KIAA1549L: variants seen among roughly 807,000 people sequenced by gnomAD.
The protein encoded by KIAA1549L is UPF0606 protein KIAA1549L.
Under a neutral mutation model 160.7 loss-of-function variants are expected in KIAA1549L, and 88 were observed. The observed-to-expected ratio is 0.55, with a 90% confidence interval of 0.46 to 0.65. The LOEUF (loss-of-function observed/expected upper bound fraction) is 0.65. KIAA1549L is among the 30% of genes least tolerant of loss of function. KIAA1549L has a pLI of 0.00. For missense variants in KIAA1549L, 2,258 were observed against 2,437.5 expected (o/e 0.93, Z 1.55); for synonymous variants, 950 against 976.7 (o/e 0.97, Z 0.51).
At chr11:33,603,539 G>T (rs945762526) in intron 13 of KIAA1549L, among the ~76,000 whole-genome samples, 1 of 152,186 alleles carries the variant, frequency 6.6e-6, no homozygotes, top group Non-Finnish European at 1.5e-5. Flanking sequence ...GGGCACGATG[G>T]CTCACGCCTG....
At chr11:33,633,363 C>A (rs891499797) in intron 16 of KIAA1549L, among the ~76,000 whole-genome samples, 4 of 151,868 alleles carry the variant, frequency 2.6e-5, no homozygotes, top group Non-Finnish European at 4.4e-5. Flanking sequence ...TGTGTAACGA[C>A]TGCTATTCAC....
chr11:33,649,863 A>AAC (rs1264528602), intron 17 of KIAA1549L, among the ~76,000 whole-genome samples: 1 of 150,576 alleles, frequency 6.6e-6, no homozygotes, highest in Non-Finnish European at 1.5e-5. Context: ...CCCATCTCAA[A>AAC]AAAAAAAAAA....
intron 1 of KIAA1549L, among the ~76,000 whole-genome samples, chr11:33,447,467 C>T (rs1422817454): frequency 1.4e-5 from 2 of 145,908 alleles, no homozygotes; most frequent in East Asian, 4.2e-4. Context: ...CACATCCATC[C>T]ATCCATCCAC....
At position 33,599,993 on chromosome 11, in the gene KIAA1549L, TTTTA is replaced by T. The variant is rs1340099858; in HGVS notation, c.4879+1050_4879+1053del. Reference sequence around the variant, plus strand: ...ATATTTTTTTGTTTTCAAATATCACTTTTATTTTTTTTTTCCGACTGAAAACGGT... The same window carrying T: ...ATATTTTTTTGTTTTCAAATATCACTTTTTTTTTTTCCGACTGAAAACGGT... On this transcript the variant is annotated intron_variant, in intron 13 of 20. Transcript: ENST00000658780. Among the ~76,000 whole-genome samples, 8 of 152,256 alleles carry T rather than the reference TTTTA, an allele frequency of 5.3e-5. No homozygotes were observed. In the East Asian group the frequency reaches 1.5e-3, roughly 29 times the overall value.
chr11:33,586,928 C>A (rs910754288), intron 11 of KIAA1549L, among the ~76,000 whole-genome samples: 3 of 152,112 alleles, frequency 2.0e-5, no homozygotes, highest in African/African-American at 7.2e-5. Flanking sequence ...TCAAATGAGG[C>A]TGAAACTGAG....
intron 11 of KIAA1549L, among the ~76,000 whole-genome samples, chr11:33,583,928 C>T (rs1385923624): frequency 6.6e-6 from 1 of 152,170 alleles, no homozygotes; most frequent in Non-Finnish European, 1.5e-5. Context: ...ATAAGGTCTG[C>T]TATGTTCTGA....
At chr11:33,609,595 T>C (rs1392319882) in intron 14 of KIAA1549L, among the ~76,000 whole-genome samples, 154 bp from the exon 15 acceptor site, 1 of 152,136 alleles carries the variant, frequency 6.6e-6, no homozygotes, top group Non-Finnish European at 1.5e-5. Context: ...TGTGGGCTTG[T>C]CTCAGAATGG....
At chr11:33,608,593 T>A (rs912501852) in intron 14 of KIAA1549L, among the ~76,000 whole-genome samples, 3 of 152,290 alleles carry the variant, frequency 2.0e-5, no homozygotes, top group African/African-American at 7.2e-5. Context: ...CCACTAGGCC[T>A]GGATCTTTTC....
At position 33,555,725 on chromosome 11, in the gene KIAA1549L, G is replaced by T. The variant is rs199608599; in HGVS notation, c.3855+3484G>T. 1.7e-4 allele frequency among the ~76,000 whole-genome samples: 26 copies of T among 152,248 alleles called. No individual in the cohort carries two copies. In the East Asian group the frequency reaches 4.4e-3, roughly 26 times the overall value. ...GTAGGACTTTTATGGGAAAACATAG[G>T]GGAAAAACTTCATGACACACAGTAT... On this transcript the variant is annotated intron_variant, in intron 6 of 20. Transcript: ENST00000658780.
chr11:33,657,390 T>C (rs10768016), intron 18 of KIAA1549L, among the ~76,000 whole-genome samples: 1 of 151,800 alleles, frequency 6.6e-6, no homozygotes, highest in African/African-American at 2.4e-5. Context: ...TTGCCACATA[T>C]CGGGGGTGGG....
At chr11:33,637,726 C>T (rs563428718) in intron 16 of KIAA1549L, among the ~76,000 whole-genome samples, 20 of 152,204 alleles carry the variant, frequency 1.3e-4, no homozygotes, top group Non-Finnish European at 2.4e-4. Context: ...GCCTTCATAT[C>T]GGCTTCCCTT....
intron 15 of KIAA1549L, among the ~76,000 whole-genome samples, chr11:33,615,811 A>G (rs765023931): frequency 6.6e-6 from 1 of 152,208 alleles, no homozygotes; most frequent in Non-Finnish European, 1.5e-5. Context: ...CACCCTTATT[A>G]GTAAATCTTT....
intron 12 of KIAA1549L, among the ~76,000 whole-genome samples, chr11:33,593,997 A>G (rs1850134727): frequency 6.6e-6 from 1 of 152,172 alleles, no homozygotes; most frequent in Admixed American, 6.5e-5. Context: ...AAGATGGGGA[A>G]GGATCAACAA....
intron 1 of KIAA1549L, among the ~76,000 whole-genome samples, chr11:33,430,766 G>A (rs1851222199): frequency 6.6e-6 from 1 of 152,182 alleles, no homozygotes; most frequent in Non-Finnish European, 1.5e-5. Context: ...CCCTGGGAGG[G>A]CAGGAGGTAT....
intron 1 of KIAA1549L, among the ~76,000 whole-genome samples, chr11:33,475,232 G>A (rs1852259508): frequency 6.6e-6 from 1 of 151,992 alleles, no homozygotes; most frequent in Admixed American, 6.6e-5. Context: ...TGCCTCTTCT[G>A]GTACTGTGGC....
At chr11:33,622,467 C>T (rs1850984689) in intron 16 of KIAA1549L, among the ~76,000 whole-genome samples, 2 of 152,180 alleles carry the variant, frequency 1.3e-5, no homozygotes, top group Non-Finnish European at 2.9e-5. Flanking sequence ...TAGCATGATC[C>T]AGGAATGAGA....
At chr11:33,613,810 T>C (rs1850709505) in intron 15 of KIAA1549L, among the ~76,000 whole-genome samples, 1 of 152,224 alleles carries the variant, frequency 6.6e-6, no homozygotes, top group African/African-American at 2.4e-5. Flanking sequence ...GTTCCAAATG[T>C]TGACTCATCA....
At chr11:33,430,282 A>G (rs961578630) in intron 1 of KIAA1549L, among the ~76,000 whole-genome samples, 4 of 118,596 alleles carry the variant, frequency 3.4e-5, no homozygotes, top group African/African-American at 1.3e-4. Flanking sequence ...CCCTCCACCT[A>G]TAGGACCTAT....
At chr11:33,409,407 CTTGCTGGTTTTT>C (rs1850741631) in intron 1 of KIAA1549L, among the ~76,000 whole-genome samples, 1 of 152,094 alleles carries the variant, frequency 6.6e-6, no homozygotes, top group Admixed American at 6.5e-5. Context: ...TCTTGTTTTT[CTTGCTGGTTTTT>C]ATAAAGAACA....
Sources: gnomAD v4.1 joint callset for allele counts (sites outside exome capture counted in the v4.1 genomes callset) on GRCh38, gnomAD v4.1.1 for gene constraint, MANE v1.5 for transcripts, NCBI Gene and HGNC (gene_info 2026-07-23, HGNC 2026-07-21) for gene names.